MRTFA: variants seen among roughly 807,000 people sequenced by gnomAD.
MRTFA encodes the protein myocardin-related transcription factor A.
In MRTFA, 20 loss-of-function variants were observed where a neutral mutation model predicts 83.5. The observed-to-expected ratio is 0.24, with a 90% CI of 0.17 to 0.35. The LOEUF is 0.35. Among genes scored for constraint, MRTFA ranks in the 10% least tolerant of loss-of-function variants. The probability of loss-of-function intolerance (pLI) is 1.00; values close to 1 mark genes in which losing one functional copy is unlikely to be tolerated. For synonymous variants in MRTFA, 659 were observed against 541.2 expected (o/e 1.22, Z -3.02); for missense variants, 1,200 against 1,224.7 (o/e 0.98, Z 0.30).
chr22:40,583,976 T>C (rs1266625518), intron 2 of MRTFA, among the ~76,000 whole-genome samples: 1 of 152,228 alleles, frequency 6.6e-6, no homozygotes, highest in Non-Finnish European at 1.5e-5. Context: ...ATAGTATTTG[T>C]CATCTGCATA....
chr22:40,451,894 G>A (rs1329494672), intron 4 of MRTFA, among the ~76,000 whole-genome samples: 1 of 148,646 alleles, frequency 6.7e-6, no homozygotes, highest in Non-Finnish European at 1.5e-5. Flanking sequence ...ACGTCTAAGT[G>A]ATCTGTTTAG....
chr22:40,476,075 C>T (rs976099947), intron 3 of MRTFA, among the ~76,000 whole-genome samples: 1 of 143,890 alleles, frequency 6.9e-6, no homozygotes, highest in Non-Finnish European at 1.5e-5. Flanking sequence ...ACCCGGGAGG[C>T]GGAGCTTGCA....
intron 1 of MRTFA, among the ~76,000 whole-genome samples, chr22:40,615,984 C>A (rs1374020166): frequency 6.6e-6 from 1 of 152,048 alleles, no homozygotes; most frequent in Non-Finnish European, 1.5e-5. Context: ...TGCACCCGGC[C>A]AATATTTTCA....
chr22:40,423,726 G>C (rs774904249), intron 8 of MRTFA, 41 bp from the exon 9 acceptor site: 2 of 1,489,486 alleles, frequency 1.3e-6, no homozygotes, highest in Admixed American at 4.1e-5. Context: ...GCCACCTCCA[G>C]GTAGGGTGTG....
At chr22:40,468,334 A>G (rs570689982) in intron 3 of MRTFA, among the ~76,000 whole-genome samples, 19 of 152,302 alleles carry the variant, frequency 1.2e-4, no homozygotes, top group South Asian at 8.3e-4. Context: ...AGCTGTTCCT[A>G]CCTTATACAT....
At chr22:40,502,810 C>T (rs1313697002) in intron 3 of MRTFA, among the ~76,000 whole-genome samples, 1 of 152,102 alleles carries the variant, frequency 6.6e-6, no homozygotes, top group African/African-American at 2.4e-5. Context: ...CTCCGCTGCC[C>T]GCTGAACTCC....
intron 1 of MRTFA, among the ~76,000 whole-genome samples, chr22:40,632,522 G>A (rs1235963716): frequency 2.0e-5 from 3 of 151,812 alleles, no homozygotes; most frequent in Non-Finnish European, 2.9e-5. Flanking sequence ...TGCAACCTCC[G>A]CCTCCCAGGT....
chr22:40,410,797 A>C lies in MRTFA; in HGVS notation c.*593T>G. 1 of 231,878 alleles carries C rather than the reference A, an allele frequency of 4.3e-6. No individual in the cohort carries two copies. The allele number at this position is 231,878 out of a possible 1,614,324, so 14.4% of individuals were successfully genotyped here. A position where few individuals can be genotyped will look rare whatever the true frequency, so the allele number is the denominator to read the frequency against. The stretch of plus-strand genomic sequence containing the variant: ...TGTCCGCCCCCCCCCAAAAATATAT[A>C]TGTATGTCGATATATAATATAGAGG... On this transcript the variant is annotated 3_prime_UTR_variant, in exon 15 of 15. Transcript: ENST00000355630.
Position 40,410,412 on chromosome 22 carries a change from A to T in MRTFA, c.*978T>A. On this transcript the variant is annotated 3_prime_UTR_variant, in exon 15 of 15. Transcript: ENST00000355630. ...CCCAGAATGTGAAGCCAGTGGCCCC[A>T]GGGCAGGAGATGGCCACCCCTCAGC... The T allele has an allele frequency of 4.2e-6, 1 of 236,044 alleles. No homozygotes were observed. Among genetic ancestry groups the T allele is most frequent in the South Asian group, 1.8e-4 (1 of 5,576 alleles). The allele number at this position is 236,044 out of a possible 1,614,324, so 14.6% of individuals were successfully genotyped here. A position where few individuals can be genotyped will look rare whatever the true frequency, so the allele number is the denominator to read the frequency against.
chr22:40,414,341 G>GA (rs923025656), intron 14 of MRTFA, among the ~76,000 whole-genome samples: 11 of 150,894 alleles, frequency 7.3e-5, no homozygotes, highest in African/African-American at 2.2e-4. Context: ...CGTCTCCAAG[G>GA]AAAAAAAAAG....
Position 40,416,518 on chromosome 22 carries a change from C to T in MRTFA, c.2578+468G>A, listed in dbSNP as rs2147061311. 2.0e-5 allele frequency among the ~76,000 whole-genome samples: 3 copies of T among 152,346 alleles called. No homozygotes were observed. Among genetic ancestry groups the T allele is most frequent in the Admixed American group, 2.0e-4 (3 of 15,306 alleles). ...CATGAAGGCCTTCTTCCCCTTTCCT[C>T]AACTCCACTCCAACCCGCCAGGTAC... On this transcript the variant is annotated intron_variant, in intron 14 of 14. Coordinates refer to ENST00000355630, the MANE Select transcript of MRTFA (RefSeq NM_020831.6). This position sits in a 1 kb window ranked among gnomAD's most constrained non-coding sequence, Gnocchi z 4.2.
intron 7 of MRTFA, among the ~76,000 whole-genome samples, chr22:40,424,857 C>T (rs189704848): frequency 1.3e-5 from 2 of 152,298 alleles, no homozygotes; most frequent in African/African-American, 4.8e-5. Flanking sequence ...AACCAGCTAA[C>T]GAGGGACCAG....
At position 40,418,402 on chromosome 22, in the gene MRTFA, G is replaced by A. The variant is rs763046591; in HGVS notation, c.2336C>T (p.Pro779Leu). The A allele has an allele frequency of 1.7e-5, 28 of 1,613,956 alleles. No homozygotes were observed. The highest frequency in any genetic ancestry group is 2.3e-5 in the Non-Finnish European group (27 of 1,179,948). ...CTGGGGGCTCCCACTGGACAGGCCA[G>A]GGCTGTCTGCATTCTTATTGGTCAC... The change falls in exon 12 of 15, where the codon CCT (proline) becomes CTT (leucine). Residue 779 changes from proline to leucine, a missense_variant. This residue lies in a region of MRTFA where 1,107 missense variants were observed against 1,041.8 expected (regional missense o/e 1.06). Transcript: ENST00000355630.
chr22:40,443,887 G>A (rs1447850104), intron 4 of MRTFA, among the ~76,000 whole-genome samples: 2 of 152,200 alleles, frequency 1.3e-5, no homozygotes, highest in Non-Finnish European at 2.9e-5. Flanking sequence ...TGATGTCAGA[G>A]GAGGGCTGGT....
intron 1 of MRTFA, among the ~76,000 whole-genome samples, chr22:40,601,109 T>A (rs983837327): frequency 6.6e-6 from 1 of 152,240 alleles, no homozygotes; most frequent in Admixed American, 6.5e-5. Context: ...CATCTCCTGT[T>A]TGACCATTAT....
chr22:40,423,829 C>G (rs2052895553), intron 8 of MRTFA, 144 bp from the exon 9 acceptor site: 1 of 714,462 alleles, frequency 1.4e-6, no homozygotes, highest in East Asian at 3.2e-5. Context: ...GAAGAGCAAC[C>G]CCCAGGGTGG....
chr22:40,557,434 A>G (rs1470415528), intron 2 of MRTFA, among the ~76,000 whole-genome samples: 1 of 152,180 alleles, frequency 6.6e-6, no homozygotes, highest in African/African-American at 2.4e-5. Context: ...GTGTGAGATT[A>G]AGTAAAATCT....
intron 1 of MRTFA, 138 bp downstream of exon 1, chr22:40,636,340 G>A (rs1367427707): frequency 5.2e-5 from 8 of 152,538 alleles, no homozygotes; most frequent in Non-Finnish European, 1.2e-4. Context: ...AGGCCGGCAA[G>A]AAGAGGGCAG....
At chr22:40,490,155 A>G (rs981876998) in intron 3 of MRTFA, among the ~76,000 whole-genome samples, 3 of 152,102 alleles carry the variant, frequency 2.0e-5, no homozygotes, top group Non-Finnish European at 4.4e-5. Context: ...TTTGAATTAC[A>G]AAGTCAAAGG....
Sources: gnomAD v4.1 joint callset for allele counts (sites outside exome capture counted in the v4.1 genomes callset) on GRCh38, gnomAD v4.1.1 for gene constraint, gnomAD v4.1.1 regional missense constraint, Gnocchi (gnomAD v3.1) non-coding constraint, MANE v1.5 for transcripts, NCBI Gene and HGNC (gene_info 2026-07-23, HGNC 2026-07-21) for gene names.